TRIP12: variants seen among roughly 807,000 people sequenced by gnomAD.
TRIP12 encodes the protein thyroid hormone receptor interactor 12.
In TRIP12, 25 loss-of-function variants were observed where a neutral mutation model predicts 244.2. The observed-to-expected ratio is 0.10, with a 90% CI of 0.07 to 0.14. The LOEUF is 0.14. Ranked by LOEUF, TRIP12 falls within the 10% of genes least tolerant of loss-of-function variation. The probability of loss-of-function intolerance (pLI) is 1.00; values close to 1 mark genes in which losing one functional copy is unlikely to be tolerated. For synonymous variants in TRIP12, 905 were observed against 873.1 expected, an observed-to-expected ratio of 1.04 and a Z score of -0.64; for missense variants, 1,677 against 2,486.4, an observed-to-expected ratio of 0.67 and a Z score of 6.92.
intron 1 of TRIP12, among the ~76,000 whole-genome samples, chr2:229,917,078 C>T (rs1438775383): frequency 6.6e-6 from 1 of 152,020 alleles, no homozygotes; most frequent in Non-Finnish European, 1.5e-5. Context: ...TTACACTACA[C>T]GTTAAGAATT....
intron 8 of TRIP12, among the ~76,000 whole-genome samples, chr2:229,819,612 T>C (rs370804337): frequency 6.6e-6 from 1 of 152,238 alleles, no homozygotes; most frequent in South Asian, 2.1e-4. Flanking sequence ...GACACTTTCC[T>C]ACTTGAAACC....
intron 4 of TRIP12, among the ~76,000 whole-genome samples, chr2:229,848,864 C>T (rs2058095520): frequency 6.6e-6 from 1 of 152,176 alleles, no homozygotes; most frequent in African/African-American, 2.4e-5. Flanking sequence ...CTATATTCAC[C>T]AATCTGGCAA....
At chr2:229,821,050 T>C (rs1258776247) in intron 8 of TRIP12, among the ~76,000 whole-genome samples, 1 of 152,232 alleles carries the variant, frequency 6.6e-6, no homozygotes, top group Non-Finnish European at 1.5e-5. Context: ...ATTGGCCTTA[T>C]TTTGTTCCAA....
At chr2:229,807,969 C>G (rs2046292748) in intron 16 of TRIP12, 105 bp from the exon 17 acceptor site, 7 of 1,294,606 alleles carry the variant, frequency 5.4e-6, no homozygotes, top group Non-Finnish European at 6.2e-6. Context: ...TGTATTTAGA[C>G]CAATTTTTTT....
intron 2 of TRIP12, among the ~76,000 whole-genome samples, chr2:229,877,459 G>C (rs2063814028): frequency 6.6e-6 from 1 of 152,228 alleles, no homozygotes. Flanking sequence ...CTTGAACCCA[G>C]AGGGCAGAGG....
rs1007816040 is a variant in TRIP12, at chr2:229,811,264, A to G, written c.1987-60T>C. 9.3e-6 allele frequency: 14 copies of G among 1,509,916 alleles called. 1 individual carries two copies. The highest frequency in any genetic ancestry group is 8.3e-5 in the South Asian group (7 of 84,028). 93.5% of individuals were successfully genotyped at this position (1,509,916 alleles called of 1,614,324 possible). ...GCATAAAGCATTTTCACTGTCATGTATCACTACTTTATCTTCCTCCTAACC... is the reference window on the plus strand; with the variant it reads ...GCATAAAGCATTTTCACTGTCATGTGTCACTACTTTATCTTCCTCCTAACC... On this transcript the variant is annotated intron_variant, in intron 13 of 41. Coordinates refer to ENST00000675903, the MANE Select transcript of TRIP12 (RefSeq NM_001348323.3).
chr2:229,855,602 T>TAAAA, intron 4 of TRIP12, among the ~76,000 whole-genome samples: 1 of 102,558 alleles, frequency 9.8e-6, no homozygotes, highest in Admixed American at 1.1e-4. Flanking sequence ...TAACAAGGGT[T>TAAAA]TAAAAAAAAA....
intron 4 of TRIP12, among the ~76,000 whole-genome samples, chr2:229,848,166 G>A (rs919051910): frequency 2.0e-5 from 3 of 151,970 alleles, no homozygotes; most frequent in Non-Finnish European, 2.9e-5. Flanking sequence ...AATGAATCTC[G>A]GTCAAACCTC....
At chr2:229,863,552 G>C (rs908264887) in intron 2 of TRIP12, among the ~76,000 whole-genome samples, 1 of 152,188 alleles carries the variant, frequency 6.6e-6, no homozygotes, top group Non-Finnish European at 1.5e-5. Flanking sequence ...CAGTGAGCCA[G>C]ATTCAGCCCA....
At chr2:229,802,147 T>C (rs766328406) in intron 21 of TRIP12, 105 bp downstream of exon 21, 3 of 750,618 alleles carry the variant, frequency 4.0e-6, no homozygotes, top group Non-Finnish European at 5.8e-6. Flanking sequence ...AAAAATATAA[T>C]ATATATATGC....
intron 33 of TRIP12, among the ~76,000 whole-genome samples, chr2:229,786,774 A>G (rs2040194342): frequency 6.6e-6 from 1 of 151,906 alleles, no homozygotes; most frequent in Non-Finnish European, 1.5e-5. Context: ...GCTTTTCAGT[A>G]TACACTTCAC....
chr2:229,869,313 A>C (rs556455529), intron 2 of TRIP12, among the ~76,000 whole-genome samples: 2 of 152,308 alleles, frequency 1.3e-5, no homozygotes, highest in African/African-American at 2.4e-5. Context: ...TTTCTAACCC[A>C]TACTAGTAAT....
intron 1 of TRIP12, among the ~76,000 whole-genome samples, chr2:229,919,563 C>T (rs966612661): frequency 2.4e-4 from 37 of 151,960 alleles, no homozygotes; most frequent in Admixed American, 2.1e-3. Flanking sequence ...AGTTTAGCAC[C>T]TTCTGGAACC....
At chr2:229,864,001 T>C (rs1311952803) in intron 2 of TRIP12, among the ~76,000 whole-genome samples, 1 of 113,516 alleles carries the variant, frequency 8.8e-6, no homozygotes, top group Non-Finnish European at 1.9e-5. Context: ...AAGATTTGGG[T>C]GAAAGAGAGA....
intron 34 of TRIP12, among the ~76,000 whole-genome samples, chr2:229,782,136 A>G (rs2038404562): frequency 6.6e-6 from 1 of 152,202 alleles, no homozygotes; most frequent in Non-Finnish European, 1.5e-5. Context: ...TGGTTAGAGC[A>G]AAGGTCCTGC....
intron 1 of TRIP12, among the ~76,000 whole-genome samples, chr2:229,895,327 T>C (rs976004397): frequency 6.0e-5 from 9 of 148,884 alleles, no homozygotes; most frequent in Non-Finnish European, 1.3e-4. Flanking sequence ...AGATTAAAAA[T>C]AAGATATGCA....
At chr2:229,855,856 A>G (rs2059518212) in intron 4 of TRIP12, among the ~76,000 whole-genome samples, 1 of 152,040 alleles carries the variant, frequency 6.6e-6, no homozygotes, top group African/African-American at 2.4e-5. Context: ...AGCCTGGTCA[A>G]TATGGCGAAA....
At chr2:229,909,107 AG>A (rs1476006867) in intron 1 of TRIP12, among the ~76,000 whole-genome samples, 5 of 150,070 alleles carry the variant, frequency 3.3e-5, no homozygotes, top group African/African-American at 7.3e-5. Context: ...AAAAAAAAAA[AG>A]AGATTTTATG....
intron 8 of TRIP12, among the ~76,000 whole-genome samples, 158 bp downstream of exon 8, chr2:229,829,035 T>C (rs572907323): frequency 5.3e-5 from 8 of 152,348 alleles, no homozygotes; most frequent in African/African-American, 1.9e-4. Context: ...AATTCAGCAA[T>C]GAAAGCTGTA....
Sources: gnomAD v4.1 joint callset for allele counts (sites outside exome capture counted in the v4.1 genomes callset) on GRCh38, gnomAD v4.1.1 for gene constraint, MANE v1.5 for transcripts, NCBI Gene and HGNC (gene_info 2026-07-23, HGNC 2026-07-21) for gene names.